The following ASAP1 variants were observed in gnomAD, a reference collection of about 807,000 sequenced individuals.
The protein encoded by ASAP1 is ArfGAP with SH3 domain, ankyrin repeat and PH domain 1, also known as arf-GAP with SH3 domain, ANK repeat and PH domain-containing protein 1.
Under a neutral mutation model 145.2 loss-of-function variants are expected in ASAP1, and 43 were observed. The observed-to-expected ratio is 0.30, with a 90% CI of 0.23 to 0.38. The LOEUF (loss-of-function observed/expected upper bound fraction) is 0.38, where lower values mean the gene tolerates loss of function less well. Ranked by LOEUF, ASAP1 falls within the 10% of genes least tolerant of loss-of-function variation. The pLI is 1.00. For missense variants in ASAP1, 1,018 were observed against 1,355.3 expected (o/e 0.75, Z 3.91); for synonymous variants, 546 against 515.5 (o/e 1.06, Z -0.80).
intron 1 of ASAP1, among the ~76,000 whole-genome samples, chr8:130,440,320 A>G (rs1398800452): frequency 6.6e-6 from 1 of 152,016 alleles, no homozygotes; most frequent in Non-Finnish European, 1.5e-5. Context: ...CATCCTGATC[A>G]ACACGGCGAA....
At chr8:130,165,538 G>A (rs1264783656) in intron 11 of ASAP1, among the ~76,000 whole-genome samples, 1 of 152,210 alleles carries the variant, frequency 6.6e-6, no homozygotes, top group Admixed American at 6.5e-5. Context: ...GCTTCAGTCT[G>A]AAGTCTACTG....
chr8:130,269,642 A>G (rs1365829701), intron 3 of ASAP1, among the ~76,000 whole-genome samples: 2 of 152,210 alleles, frequency 1.3e-5, no homozygotes, highest in Admixed American at 1.3e-4. Context: ...ACTATGTGTG[A>G]CTGTCTCTTT....
At position 130,256,738 on chromosome 8, in the gene ASAP1, CTTATATAT is replaced by C. The variant is rs1269796393; in HGVS notation, c.187-19752_187-19745del. ...AATCTTCTTCCTGAATATACACATT[CTTATATAT>C]ATATATATATATATATATATATATA... On this transcript the variant is annotated intron_variant, in intron 3 of 29. Coordinates refer to ENST00000518721, the MANE Select transcript of ASAP1 (RefSeq NM_018482.4). Among the ~76,000 whole-genome samples the C allele has an allele frequency of 8.5e-3, 605 of 70,796 alleles. 16 individuals are homozygous for C. The highest frequency in any genetic ancestry group is 0.046 in the East Asian group (128 of 2,756). 46.4% of individuals were successfully genotyped at this position (70,796 alleles called of 152,430 possible). A position where few individuals can be genotyped will look rare whatever the true frequency, so the allele number is the denominator to read the frequency against.
chr8:130,055,271 C>T (rs868553386), intron 29 of ASAP1, among the ~76,000 whole-genome samples: 3 of 149,476 alleles, frequency 2.0e-5, no homozygotes, highest in Non-Finnish European at 3.0e-5. Context: ...CCCTTCTCTC[C>T]AGGCTTGTGT....
chr8:130,095,087 G>A (rs1473916739), intron 24 of ASAP1, among the ~76,000 whole-genome samples: 2 of 151,970 alleles, frequency 1.3e-5, no homozygotes, highest in Admixed American at 6.6e-5. Flanking sequence ...GTAATTGTGC[G>A]TCCCATGCCC....
chr8:130,442,357 C>T (rs1287797024), intron 1 of ASAP1, among the ~76,000 whole-genome samples: 1 of 152,168 alleles, frequency 6.6e-6, no homozygotes, highest in Non-Finnish European at 1.5e-5. Flanking sequence ...GGGGGTGAAT[C>T]AGTTGTTCTC....
intron 3 of ASAP1, among the ~76,000 whole-genome samples, chr8:130,293,019 T>C (rs968662696): frequency 2.0e-5 from 3 of 152,252 alleles, no homozygotes; most frequent in Non-Finnish European, 4.4e-5. Flanking sequence ...ACTTGGCAAG[T>C]ATTAAACAGT....
At chr8:130,348,304 T>G (rs1052471797) in intron 3 of ASAP1, among the ~76,000 whole-genome samples, 1 of 152,216 alleles carries the variant, frequency 6.6e-6, no homozygotes, top group Non-Finnish European at 1.5e-5. Context: ...CTTTCTATAA[T>G]AGTTGGTGCC....
At position 130,179,216 on chromosome 8, in the gene ASAP1, A is replaced by C. The variant is rs779218274; in HGVS notation, c.746+48T>G. On this transcript the variant is annotated intron_variant, in intron 9 of 29. Transcript: ENST00000518721. Reference sequence around the variant, plus strand: ...AGGATTAAGACAAATAATGAAGTACAGGGGGCAGTAATTGGGCTAATAACA... The same window carrying C: ...AGGATTAAGACAAATAATGAAGTACCGGGGGCAGTAATTGGGCTAATAACA... The C allele has an allele frequency of 1.4e-5, 16 of 1,146,272 alleles. No homozygotes were observed. The highest frequency in any genetic ancestry group is 7.9e-6 in the Non-Finnish European group (6 of 762,622). 71.0% of individuals were successfully genotyped at this position (1,146,272 alleles called of 1,614,324 possible).
At chr8:130,399,624 A>C (rs1203760687) in intron 2 of ASAP1, among the ~76,000 whole-genome samples, 1 of 152,136 alleles carries the variant, frequency 6.6e-6, no homozygotes, top group Admixed American at 6.6e-5. Flanking sequence ...CATTCAGGAC[A>C]CATTTGCTTA....
chr8:130,078,253 G>A (rs1274741581), intron 26 of ASAP1, among the ~76,000 whole-genome samples: 1 of 152,170 alleles, frequency 6.6e-6, no homozygotes, highest in East Asian at 1.9e-4. Context: ...GCCTCCCAAA[G>A]TGCTGGGATT....
At chr8:130,090,687 A>G (rs2097503692) in intron 25 of ASAP1, among the ~76,000 whole-genome samples, 1 of 152,200 alleles carries the variant, frequency 6.6e-6, no homozygotes, top group African/African-American at 2.4e-5. Flanking sequence ...GCATTAGACC[A>G]TGAACTCCAC....
At chr8:130,118,316 G>C in intron 19 of ASAP1, 70 bp from the exon 20 acceptor site, 1 of 1,481,922 alleles carries the variant, frequency 6.7e-7, no homozygotes, top group African/African-American at 1.4e-5. Flanking sequence ...ATATATATCA[G>C]TTGCCCCCAA....
intron 1 of ASAP1, among the ~76,000 whole-genome samples, chr8:130,436,978 G>C (rs754491163): frequency 6.6e-6 from 1 of 151,764 alleles, no homozygotes; most frequent in Non-Finnish European, 1.5e-5. Context: ...GGTGGAACAT[G>C]CCTGTAATCC....
chr8:130,411,423 AC>A (rs1181023660), intron 1 of ASAP1, among the ~76,000 whole-genome samples: 2 of 152,180 alleles, frequency 1.3e-5, no homozygotes, highest in South Asian at 2.1e-4. Flanking sequence ...GGTTCTGACA[AC>A]CTGAGAGGTC....
At chr8:130,368,673 T>A (rs973844115) in intron 2 of ASAP1, among the ~76,000 whole-genome samples, 3 of 152,236 alleles carry the variant, frequency 2.0e-5, no homozygotes, top group Admixed American at 2.0e-4. Flanking sequence ...ATATGCCTTT[T>A]CTCTCTAAGA....
intron 24 of ASAP1, among the ~76,000 whole-genome samples, chr8:130,107,513 AAAATGT>A (rs2097539151): frequency 6.0e-5 from 7 of 117,280 alleles, no homozygotes; most frequent in Admixed American, 1.9e-4. Context: ...TTTTTTTTAA[AAAATGT>A]ATGTATGTAT....
chr8:130,074,985 G>A (rs1215289365), intron 27 of ASAP1, among the ~76,000 whole-genome samples: 3 of 152,188 alleles, frequency 2.0e-5, no homozygotes, highest in Admixed American at 2.0e-4. Context: ...TGCGAGGGAA[G>A]GGAGGGCATG....
At chr8:130,428,121 C>T (rs1829992598) in intron 1 of ASAP1, among the ~76,000 whole-genome samples, 1 of 152,102 alleles carries the variant, frequency 6.6e-6, no homozygotes, top group South Asian at 2.1e-4. Flanking sequence ...TGGGGATTCC[C>T]TTTTCCCACA....
Sources: gnomAD v4.1 joint callset for allele counts (sites outside exome capture counted in the v4.1 genomes callset) on GRCh38, gnomAD v4.1.1 for gene constraint, MANE v1.5 for transcripts, NCBI Gene and HGNC (gene_info 2026-07-23, HGNC 2026-07-21) for gene names.